Variants in SPOPL observed in about 807,000 individuals in gnomAD.
SPOPL encodes speckle type BTB/POZ protein like.
In SPOPL, 23 loss-of-function variants were observed where a neutral mutation model predicts 53.8. The ratio of observed to expected loss-of-function variants is 0.43; its 90% CI spans 0.31 to 0.61. The LOEUF (loss-of-function observed/expected upper bound fraction) is 0.61, where lower values mean the gene tolerates loss of function less well. Among genes scored for constraint, SPOPL ranks in the 20% least tolerant of loss-of-function variants. The probability of loss-of-function intolerance (pLI) is 0.12; values close to 1 mark genes in which losing one functional copy is unlikely to be tolerated. For missense variants in SPOPL, 442 were observed against 466.9 expected, an observed-to-expected ratio of 0.95 and a Z score of 0.49; for synonymous variants, 164 against 149.7, an observed-to-expected ratio of 1.10 and a Z score of -0.70.
chr2:138,558,972 A>G (rs777667754), intron 5 of SPOPL, 50 bp from the exon 6 acceptor site: 1 of 1,460,898 alleles, frequency 6.8e-7, no homozygotes, highest in South Asian at 1.5e-5. Flanking sequence ...TAAACTAATT[A>G]CTGATATTAC....
intron 1 of SPOPL, among the ~76,000 whole-genome samples, chr2:138,546,511 G>A (rs1685198711): frequency 6.6e-6 from 1 of 152,166 alleles, no homozygotes; most frequent in Non-Finnish European, 1.5e-5. Flanking sequence ...AGTGGACTTT[G>A]GGAGATCTTT....
chr2:138,525,679 CAAAA>C (rs1684659803), intron 1 of SPOPL, among the ~76,000 whole-genome samples: 1 of 90,558 alleles, frequency 1.1e-5, no homozygotes, highest in African/African-American at 3.8e-5. Context: ...AAAAAATACA[CAAAA>C]AACAATTAGC....
chr2:138,569,242 T>C lies in SPOPL; in HGVS notation c.*162T>C, dbSNP rs1685729326. 4 of 757,756 alleles carry C rather than the reference T, an allele frequency of 5.3e-6. No homozygotes were observed. Among genetic ancestry groups the C allele is most frequent in the Admixed American group, 2.9e-5 (1 of 34,982 alleles). The allele number at this position is 757,756 out of a possible 1,614,324, so 46.9% of individuals were successfully genotyped here. On this transcript the variant is annotated 3_prime_UTR_variant, in exon 11 of 11. Coordinates refer to ENST00000280098, the MANE Select transcript of SPOPL (RefSeq NM_001001664.3). ...TGCATTTCAGGTGGATAATTTATGG[T>C]TTATTCTTCAGCTTTAAATTAGACT...
At chr2:138,518,788 G>A (rs555631355) in intron 1 of SPOPL, among the ~76,000 whole-genome samples, 1 of 152,314 alleles carries the variant, frequency 6.6e-6, no homozygotes, top group East Asian at 1.9e-4. Flanking sequence ...TATACCTGAT[G>A]GAGAGCCAAG....
chr2:138,532,520 G>A (rs1464311056), intron 1 of SPOPL, among the ~76,000 whole-genome samples: 4 of 147,534 alleles, frequency 2.7e-5, no homozygotes, highest in Non-Finnish European at 3.0e-5. Flanking sequence ...TCTGCCTCCC[G>A]GGTTCACACC....
chr2:138,503,329 T>G (rs1199861099), intron 1 of SPOPL, among the ~76,000 whole-genome samples: 1 of 152,212 alleles, frequency 6.6e-6, no homozygotes, highest in Non-Finnish European at 1.5e-5. Context: ...AAAATGGGGT[T>G]ATGATATGAC....
chr2:138,564,858 A>C lies in SPOPL; in HGVS notation c.980+8A>C, dbSNP rs1408595041. 6.2e-7 allele frequency: 1 copy of C among 1,614,036 alleles called. No homozygotes were observed. The highest frequency in any genetic ancestry group is 1.7e-5 in the Admixed American group (1 of 60,020). On this transcript the variant is annotated splice_region_variant and intron_variant, in intron 9 of 10. Transcript: ENST00000280098. ...CATAGACTTTATTAATAGGTAAGCTATGCTTGTATTTCAGTGGGCATGACA... is the reference window on the plus strand; with the variant it reads ...CATAGACTTTATTAATAGGTAAGCTCTGCTTGTATTTCAGTGGGCATGACA...
At chr2:138,502,251 C>G (rs1684117137) in intron 1 of SPOPL, 132 bp downstream of exon 1, 2 of 152,678 alleles carry the variant, frequency 1.3e-5, no homozygotes, top group African/African-American at 4.8e-5. Context: ...GTCCCGGACC[C>G]CTGCTCGGGC....
chr2:138,525,013 T>C (rs1684638560), intron 1 of SPOPL, among the ~76,000 whole-genome samples: 1 of 152,200 alleles, frequency 6.6e-6, no homozygotes, highest in African/African-American at 2.4e-5. Flanking sequence ...TTTTTGGGTA[T>C]CTTTTCAGCA....
chr2:138,549,575 G>C (rs372370175), intron 1 of SPOPL, among the ~76,000 whole-genome samples: 1 of 151,988 alleles, frequency 6.6e-6, no homozygotes, highest in Admixed American at 6.6e-5. Context: ...AGTACGTCTC[G>C]GCAAGAAGCA....
At chr2:138,555,650 A>T (rs1224801329) in intron 5 of SPOPL, among the ~76,000 whole-genome samples, 2 of 152,306 alleles carry the variant, frequency 1.3e-5, no homozygotes, top group Non-Finnish European at 2.9e-5. Flanking sequence ...TGGCTTTTAG[A>T]ATTAGTTGGA....
intron 1 of SPOPL, among the ~76,000 whole-genome samples, chr2:138,539,592 GGGT>G: frequency 9.3e-6 from 1 of 107,240 alleles, no homozygotes; most frequent in Non-Finnish European, 2.7e-5. Flanking sequence ...CTTTTTGATG[GGGT>G]TGTTTGTTTT....
Position 138,568,966 on chromosome 2 carries a change from G to C in SPOPL, c.1065G>C (p.Gly355=), listed in dbSNP as rs778450734. 1.2e-5 allele frequency: 20 copies of C among 1,613,882 alleles called. No individual in the cohort carries two copies. The highest frequency in any genetic ancestry group is 1.6e-5 in the Non-Finnish European group (19 of 1,179,920). The change falls in exon 11 of 11, where the codon GGG becomes GGC. Residue 355 remains glycine, a synonymous_variant. Transcript: ENST00000280098. ...NQATDIMETS[G]WKSMIQSHPH... is the part of the protein sequence containing the mutation. Reference sequence around the variant, plus strand: ...CAACCGACATAATGGAAACATCAGGGTGGAAGTCCATGATTCAGTCTCACC... The same window carrying C: ...CAACCGACATAATGGAAACATCAGGCTGGAAGTCCATGATTCAGTCTCACC...
chr2:138,507,236 C>G (rs1338428641), intron 1 of SPOPL, among the ~76,000 whole-genome samples: 1 of 152,164 alleles, frequency 6.6e-6, no homozygotes, highest in East Asian at 1.9e-4. Flanking sequence ...TGAACCATAT[C>G]TGTCTTCCTG....
chr2:138,529,536 T>TGCGCGCGCG (rs72375808), intron 1 of SPOPL, among the ~76,000 whole-genome samples: 265 of 97,632 alleles, frequency 2.7e-3, no homozygotes, highest in Non-Finnish European at 4.4e-3. Flanking sequence ...GTGTGTGTGT[T>TGCGCGCGCG]TGCGTGCGCG....
chr2:138,533,740 G>A (rs1410734998), intron 1 of SPOPL, among the ~76,000 whole-genome samples: 1 of 151,826 alleles, frequency 6.6e-6, no homozygotes, highest in African/African-American at 2.4e-5. Context: ...TTGACCTCAG[G>A]CAGTATTTTG....
intron 1 of SPOPL, among the ~76,000 whole-genome samples, chr2:138,545,030 T>C (rs533808169): frequency 6.6e-5 from 10 of 152,322 alleles, no homozygotes; most frequent in African/African-American, 2.4e-4. Flanking sequence ...CCAGCTCTGA[T>C]TCCTTCTCTA....
At chr2:138,524,933 C>T (rs980270686) in intron 1 of SPOPL, among the ~76,000 whole-genome samples, 2 of 151,898 alleles carry the variant, frequency 1.3e-5, no homozygotes, top group Admixed American at 1.3e-4. Flanking sequence ...CCACATTTTC[C>T]TGCCTCCTTC....
chr2:138,550,810 G>A, intron 3 of SPOPL, 93 bp from the exon 4 acceptor site: 1 of 1,383,974 alleles, frequency 7.2e-7, no homozygotes, highest in South Asian at 1.4e-5. Flanking sequence ...CATGATTTCA[G>A]TGTTCTCTCT....
Sources: gnomAD v4.1 joint callset for allele counts (sites outside exome capture counted in the v4.1 genomes callset) on GRCh38, gnomAD v4.1.1 for gene constraint, MANE v1.5 for transcripts, NCBI Gene and HGNC (gene_info 2026-07-23, HGNC 2026-07-21) for gene names.